Variants in PPEF2 observed in about 807,000 individuals in gnomAD.
PPEF2 encodes the protein serine/threonine-protein phosphatase with EF-hands 2.
In PPEF2, 84 loss-of-function variants were observed where a neutral mutation model predicts 84.7. The ratio of observed to expected loss-of-function variants is 0.99; its 90% CI spans 0.83 to 1.19. PPEF2 has a LOEUF of 1.19. Among genes scored for constraint, PPEF2 ranks in the 50% most tolerant of loss-of-function variants. The pLI, the probability that PPEF2 is intolerant of heterozygous loss-of-function variation, is 0.00. For missense variants in PPEF2, 924 were observed against 937.5 expected (o/e 0.99, Z 0.19); for synonymous variants, 346 against 345.2 (o/e 1.00, Z -0.03).
intron 5 of PPEF2, 23 bp downstream of exon 5, chr4:75,889,934 C>T (rs749217571): frequency 2.6e-5 from 42 of 1,612,786 alleles, no homozygotes; most frequent in Non-Finnish European, 3.4e-5. Flanking sequence ...TGGTAGTGAC[C>T]CAGGTTCCCC....
intron 7 of PPEF2, 25 bp from the exon 8 acceptor site, chr4:75,884,785 AGAAT>A: frequency 6.5e-7 from 1 of 1,535,976 alleles, no homozygotes. Flanking sequence ...GACCAGTGAA[AGAAT>A]GAATGGGAGG....
intron 10 of PPEF2, chr4:75,882,680 A>G (rs1724608113): frequency 5.5e-6 from 2 of 365,646 alleles, no homozygotes; most frequent in Non-Finnish European, 9.7e-6. Flanking sequence ...TAATTTTTTT[A>G]TAGAGACAAA....
intron 2 of PPEF2, 141 bp from the exon 3 acceptor site, chr4:75,892,119 C>G: frequency 9.0e-7 from 1 of 1,114,490 alleles, no homozygotes. Flanking sequence ...CCATTGACGC[C>G]CATAGGAAGT....
rs193238803 is a variant in PPEF2 at position 75,884,721 on chromosome 4, C to T, written c.619G>A (p.Gly207Ser). 9 of 1,610,576 alleles carry T rather than the reference C, an allele frequency of 5.6e-6. No homozygotes were observed. Among genetic ancestry groups the T allele is most frequent in the South Asian group, 2.2e-5 (2 of 90,014 alleles). The change falls in exon 8 of 17, where the codon GGT becomes AGT. Residue 207 changes from glycine (G) to serine (S), a missense_variant. Physicochemically the swap from Gly to Ser is moderately conservative, Grantham distance 56. Coordinates refer to ENST00000286719, the MANE Select transcript of PPEF2 (RefSeq NM_006239.3). Reference sequence around the variant, plus strand: ...TCCTTGCCTCGATCCACAAAGTCACCGTTGAACACATATGACCGTTCTGGC... The same window carrying T: ...TCCTTGCCTCGATCCACAAAGTCACTGTTGAACACATATGACCGTTCTGGC... ...PSPERSYVFNGDFVDRGKDSV... is the reference protein window; with the variant it reads ...PSPERSYVFNSDFVDRGKDSV...
At chr4:75,868,588 T>G (rs1232827723) in intron 13 of PPEF2, among the ~76,000 whole-genome samples, 1 of 151,664 alleles carries the variant, frequency 6.6e-6, no homozygotes, top group Non-Finnish European at 1.5e-5. Context: ...CCCAGCTACT[T>G]GGGAAGCTAA....
At chr4:75,875,719 G>A (rs960794792) in intron 11 of PPEF2, among the ~76,000 whole-genome samples, 4 of 152,124 alleles carry the variant, frequency 2.6e-5, no homozygotes, top group Non-Finnish European at 4.4e-5. Context: ...CGGTGAAGTC[G>A]GCTGCCTAAG....
chr4:75,861,953 A>G (rs375756840), intron 16 of PPEF2, among the ~76,000 whole-genome samples: 3 of 151,602 alleles, frequency 2.0e-5, no homozygotes, highest in East Asian at 4.0e-4. Context: ...CACCAAAAGC[A>G]TAAACAACAA....
chr4:75,879,525 T>C (rs1315396870), intron 10 of PPEF2, among the ~76,000 whole-genome samples: 1 of 152,214 alleles, frequency 6.6e-6, no homozygotes, highest in Non-Finnish European at 1.5e-5. Context: ...AAATTAACAT[T>C]TATCCTTATC....
chr4:75,884,455 A>T (rs538433536), intron 8 of PPEF2, 139 bp downstream of exon 8: 5 of 1,002,902 alleles, frequency 5.0e-6, no homozygotes, highest in African/African-American at 4.8e-5. Context: ...TTTGAATGTT[A>T]TATACTGTGT....
At chr4:75,895,327 G>C (rs1578017136) in intron 2 of PPEF2, among the ~76,000 whole-genome samples, 1 of 152,048 alleles carries the variant, frequency 6.6e-6, no homozygotes, top group Non-Finnish European at 1.5e-5. Flanking sequence ...TACTTGGGAG[G>C]CTGAGGCAGG....
intron 2 of PPEF2, among the ~76,000 whole-genome samples, 171 bp from the exon 3 acceptor site, chr4:75,892,149 A>G (rs1292283514): frequency 6.6e-6 from 1 of 152,186 alleles, no homozygotes; most frequent in Non-Finnish European, 1.5e-5. Context: ...TCTGCTGGCA[A>G]TAGTGCTTTT....
Position 75,860,818 on chromosome 4 carries a change from A to G in PPEF2, c.2111T>C (p.Ile704Thr), listed in dbSNP as rs1723980802. Reference protein sequence around the residue: ...DDCICDLARSIDFNKDGHIDI... With the variant: ...DDCICDLARSTDFNKDGHIDI... ...AATGTGGCCATCTTTGTTGAAATCA[A>G]TGCTCCGAGCAAGGTCACAGATGCA... Residue 704 changes from isoleucine (I) to threonine (T), a missense_variant, in exon 17 of 17, where the codon ATT (isoleucine) becomes ACT (threonine). Coordinates refer to ENST00000286719, the MANE Select transcript of PPEF2 (RefSeq NM_006239.3). 6.2e-7 allele frequency: 1 copy of G among 1,614,242 alleles called. No individual in the cohort carries two copies. Among genetic ancestry groups the G allele is most frequent in the Non-Finnish European group, 8.5e-7 (1 of 1,180,042 alleles).
chr4:75,881,945 T>C (rs1724583928), intron 10 of PPEF2: 1 of 152,232 alleles, frequency 6.6e-6, no homozygotes, highest in Non-Finnish European at 1.5e-5. Flanking sequence ...TCTTTGGAAC[T>C]TCCCAGGAAA....
intron 10 of PPEF2, among the ~76,000 whole-genome samples, chr4:75,880,832 ACT>A (rs1236282740): frequency 1.5e-5 from 2 of 136,002 alleles, no homozygotes; most frequent in Non-Finnish European, 3.1e-5. Flanking sequence ...ACAGAGTCTC[ACT>A]CTGTCGCCAG....
rs764510156 is a variant in PPEF2 at position 75,860,785 on chromosome 4, T to G, written c.2144A>C (p.Asn715Thr). The G allele has an allele frequency of 6.2e-7, 1 of 1,614,252 alleles. No homozygotes were observed. Among genetic ancestry groups the G allele is most frequent in the Non-Finnish European group, 8.5e-7 (1 of 1,180,050 alleles). The change falls in exon 17 of 17, where the codon AAT (asparagine) becomes ACT (threonine). Residue 715 changes from asparagine (N) to threonine (T), a missense_variant. By Grantham distance (65) the Asn-to-Thr change is moderately conservative. Coordinates refer to ENST00000286719, the MANE Select transcript of PPEF2 (RefSeq NM_006239.3). ...AAGGCGGAAGGCCTCCAGGAACTCA[T>G]TGATATCAATGTGGCCATCTTTGTT... is the stretch of plus-strand genomic sequence containing the variant. Reference protein sequence around the residue: ...DFNKDGHIDINEFLEAFRLVE... With the variant: ...DFNKDGHIDITEFLEAFRLVE...
intron 10 of PPEF2, among the ~76,000 whole-genome samples, chr4:75,877,728 A>G (rs1724465684): frequency 6.6e-6 from 1 of 151,508 alleles, no homozygotes; most frequent in Non-Finnish European, 1.5e-5. Context: ...GGTTTTTTAC[A>G]TAGGTACACA....
intron 2 of PPEF2, among the ~76,000 whole-genome samples, chr4:75,895,044 T>C (rs537841546): frequency 6.6e-6 from 1 of 152,050 alleles, no homozygotes; most frequent in Non-Finnish European, 1.5e-5. Context: ...AGGCTTGAAC[T>C]CCTGTGCTCA....
intron 5 of PPEF2, chr4:75,889,209 C>G (rs954498213): frequency 4.6e-5 from 7 of 152,480 alleles, no homozygotes; most frequent in Non-Finnish European, 1.0e-4. Flanking sequence ...GAGACTCTGT[C>G]TCAAAAAAAC....
intron 10 of PPEF2, 115 bp from the exon 11 acceptor site, chr4:75,876,788 T>G: frequency 8.5e-7 from 1 of 1,181,892 alleles, no homozygotes; most frequent in Admixed American, 2.8e-5. Context: ...AGCAGAACAC[T>G]CAAGCCCGGG....
Sources: allele counts gnomAD v4.1 joint callset (sites outside exome capture counted in the v4.1 genomes callset), GRCh38; gene constraint gnomAD v4.1.1; transcripts MANE v1.5; gene names NCBI Gene and HGNC (gene_info 2026-07-23, HGNC 2026-07-21).